The following VWC2 variants were observed in gnomAD, a reference collection of about 807,000 sequenced individuals.
The protein encoded by VWC2 is brorin.
A neutral mutation model predicts 29.8 loss-of-function variants in VWC2; 14 were observed. The observed-to-expected ratio is 0.47, with a 90% confidence interval of 0.31 to 0.74. VWC2 has a LOEUF of 0.74. VWC2 is among the 30% of genes least tolerant of loss of function. The pLI is 0.05. For synonymous variants in VWC2, 213 were observed against 199.0 expected (o/e 1.07, Z -0.59); for missense variants, 457 against 459.8 (o/e 0.99, Z 0.05).
intron 3 of VWC2, among the ~76,000 whole-genome samples, chr7:49,812,773 G>A (rs1789043438): frequency 6.6e-6 from 1 of 152,112 alleles, no homozygotes; most frequent in Non-Finnish European, 1.5e-5. Flanking sequence ...CCTTATTTGG[G>A]CATAGTCTGA....
At chr7:49,892,280 T>C (rs550384830) in intron 3 of VWC2, among the ~76,000 whole-genome samples, 108 of 151,990 alleles carry the variant, frequency 7.1e-4, no homozygotes, top group Middle Eastern at 3.4e-3. Context: ...TCTCCTGACC[T>C]CGTGATCTGC....
rs568227866 is a variant in VWC2, at chr7:49,873,896, T to C, written c.827-38138T>C. On this transcript the variant is annotated intron_variant, in intron 3 of 3. Coordinates refer to ENST00000340652, the MANE Select transcript of VWC2 (RefSeq NM_198570.5). ...GCCAACATGGAGAAATGTCAAAACA[T>C]ATAATTAAGTAAAAAAAAAAAACAA... is the stretch of plus-strand genomic sequence containing the variant. 2.7e-5 allele frequency among the ~76,000 whole-genome samples: 3 copies of C among 110,044 alleles called. No homozygotes were observed. In the South Asian group the frequency reaches 9.4e-4, roughly 35 times the overall value. The allele number at this position is 110,044 out of a possible 152,430, so 72.2% of individuals were successfully genotyped here. A position where few individuals can be genotyped will look rare whatever the true frequency, so the allele number is the denominator to read the frequency against.
intron 3 of VWC2, among the ~76,000 whole-genome samples, chr7:49,850,887 C>A (rs151213132): frequency 1.3e-5 from 2 of 152,314 alleles, no homozygotes; most frequent in East Asian, 3.9e-4. Context: ...AGGATGACTC[C>A]CTGTGGAGAA....
At chr7:49,781,740 T>C (rs76037049) in intron 2 of VWC2, among the ~76,000 whole-genome samples, 1,860 of 152,326 alleles carry the variant, frequency 0.012, 30 homozygotes, top group African/African-American at 0.035. Flanking sequence ...CTTGCTTATA[T>C]GTATGTCCAA....
chr7:49,788,468 TGA>T (rs202016215), intron 2 of VWC2, among the ~76,000 whole-genome samples: 17,140 of 148,296 alleles, frequency 0.12, 1,146 homozygotes, highest in Middle Eastern at 0.17. Context: ...TGTGTGTGTG[TGA>T]GAGAGAGTGT....
intron 3 of VWC2, among the ~76,000 whole-genome samples, chr7:49,875,381 A>AAAAAAAAAAC (rs1791364135): frequency 6.7e-6 from 1 of 149,154 alleles, no homozygotes; most frequent in African/African-American, 2.5e-5. Context: ...AAAAAAAAAA[A>AAAAAAAAAAC]AAAAAAAAAA....
At chr7:49,851,749 T>C (rs1258399323) in intron 3 of VWC2, among the ~76,000 whole-genome samples, 1 of 152,054 alleles carries the variant, frequency 6.6e-6, no homozygotes, top group African/African-American at 2.4e-5. Flanking sequence ...TCCCAGCTAC[T>C]TGGGAGGCTG....
At chr7:49,818,476 T>G (rs1309466056) in intron 3 of VWC2, among the ~76,000 whole-genome samples, 1 of 152,176 alleles carries the variant, frequency 6.6e-6, no homozygotes, top group East Asian at 1.9e-4. Flanking sequence ...AGTCTGATGT[T>G]TTAAGCACTG....
At chr7:49,879,924 A>G (rs1183416393) in intron 3 of VWC2, among the ~76,000 whole-genome samples, 1 of 152,176 alleles carries the variant, frequency 6.6e-6, no homozygotes, top group African/African-American at 2.4e-5. Context: ...GATGAGATTC[A>G]TCACAGGTTT....
chr7:49,785,517 T>G (rs924515898), intron 2 of VWC2, among the ~76,000 whole-genome samples: 1 of 152,320 alleles, frequency 6.6e-6, no homozygotes, highest in Admixed American at 6.5e-5. Flanking sequence ...AGACATCTAT[T>G]TTCTCATTCA....
intron 3 of VWC2, among the ~76,000 whole-genome samples, chr7:49,852,417 G>A (rs1194293618): frequency 6.6e-6 from 1 of 152,188 alleles, no homozygotes; most frequent in East Asian, 1.9e-4. Context: ...CAAGGTGACC[G>A]GTGCTGTTTT....
intron 3 of VWC2, among the ~76,000 whole-genome samples, chr7:49,811,929 T>C (rs1789020017): frequency 6.6e-6 from 1 of 152,210 alleles, no homozygotes; most frequent in Non-Finnish European, 1.5e-5. Context: ...ATAATGCAAA[T>C]GTTCATTAAC....
chr7:49,880,794 T>C (rs1199975917), intron 3 of VWC2, among the ~76,000 whole-genome samples: 1 of 152,030 alleles, frequency 6.6e-6, no homozygotes, highest in Non-Finnish European at 1.5e-5. Flanking sequence ...ATTTGTGGCA[T>C]TGGTATTGAA....
intron 3 of VWC2, among the ~76,000 whole-genome samples, chr7:49,823,929 T>A (rs1201808677): frequency 6.6e-6 from 1 of 152,200 alleles, no homozygotes; most frequent in African/African-American, 2.4e-5. Context: ...TTTGGCTCAT[T>A]CTTTATTGTT....
intron 3 of VWC2, among the ~76,000 whole-genome samples, chr7:49,812,922 T>A (rs1426279371): frequency 6.6e-6 from 1 of 152,176 alleles, no homozygotes; most frequent in Non-Finnish European, 1.5e-5. Context: ...GCCAATAGCC[T>A]CCTACTTATT....
intron 3 of VWC2, among the ~76,000 whole-genome samples, chr7:49,841,118 T>C (rs1026733693): frequency 1.3e-5 from 2 of 152,170 alleles, no homozygotes; most frequent in Admixed American, 1.3e-4. Flanking sequence ...ACATAATGCA[T>C]ACAAGCGAAG....
At chr7:49,856,602 G>T (rs1790426035) in intron 3 of VWC2, among the ~76,000 whole-genome samples, 1 of 152,138 alleles carries the variant, frequency 6.6e-6, no homozygotes, top group South Asian at 2.1e-4. Flanking sequence ...CACACAATTA[G>T]TGTTTACAAT....
intron 3 of VWC2, among the ~76,000 whole-genome samples, chr7:49,819,830 T>A (rs756913925): frequency 2.6e-5 from 4 of 152,158 alleles, no homozygotes; most frequent in Non-Finnish European, 4.4e-5. Context: ...CCATCTCAGG[T>A]CCAGGAGGGT....
At chr7:49,780,818 A>T (rs894866026) in intron 2 of VWC2, among the ~76,000 whole-genome samples, 3 of 152,206 alleles carry the variant, frequency 2.0e-5, no homozygotes, top group Admixed American at 6.5e-5. Flanking sequence ...ATGATTTGGG[A>T]CCACTGAGTT....
Sources: gnomAD v4.1 joint callset for allele counts (sites outside exome capture counted in the v4.1 genomes callset) on GRCh38, gnomAD v4.1.1 for gene constraint, MANE v1.5 for transcripts, NCBI Gene and HGNC (gene_info 2026-07-23, HGNC 2026-07-21) for gene names.